ACOT1: variants seen among roughly 807,000 people sequenced by gnomAD.
ACOT1 encodes acyl-CoA thioesterase 1.
A neutral mutation model predicts 15.7 loss-of-function variants in ACOT1; 8 were observed. The ratio of observed to expected loss-of-function variants is 0.51; its 90% CI spans 0.30 to 0.92. ACOT1 has a LOEUF of 0.92. Ranked by LOEUF, ACOT1 falls within the 40% of genes least tolerant of loss-of-function variation. The pLI is 0.06. For missense variants in ACOT1, 151 were observed against 539.4 expected, an observed-to-expected ratio of 0.28 and a Z score of 7.13; for synonymous variants, 67 against 241.2, an observed-to-expected ratio of 0.28 and a Z score of 6.69.
chr14:73,540,768 G>T (rs534310791), intron 1 of ACOT1, among the ~76,000 whole-genome samples: 4 of 103,770 alleles, frequency 3.9e-5, no homozygotes, highest in Non-Finnish European at 5.9e-5. Context: ...TTTTGAGACA[G>T]TGTCTCGCTC....
chr14:73,508,303 G>T, the ACOT1 span: 1 of 1,612,904 alleles, frequency 6.2e-7, no homozygotes, highest in Non-Finnish European at 8.5e-7. Context: ...ACCTGCCACA[G>T]TTGGGTGAAA....
At chr14:73,498,985 C>T in the ACOT1 span, 1 of 1,115,506 alleles carries the variant, frequency 9.0e-7, no homozygotes, top group East Asian at 2.3e-5. Context: ...CACTTCACCC[C>T]ATTAGAGAGT....
the ACOT1 span, chr14:73,509,235 G>T: frequency 7.3e-7 from 1 of 1,369,176 alleles, no homozygotes; most frequent in Non-Finnish European, 1.0e-6. Context: ...TCACAGTGGA[G>T]AGGAAAGGAC....
At chr14:73,498,958 G>A in the ACOT1 span, 1 of 886,986 alleles carries the variant, frequency 1.1e-6, no homozygotes, top group Non-Finnish European at 1.9e-6. Flanking sequence ...GAAAAGCTAA[G>A]ATCATTACCT....
chr14:73,506,804 G>GTTTTTTTTTTT, the ACOT1 span, among the ~76,000 whole-genome samples: 1,850 of 80,354 alleles, frequency 0.023, 408 homozygotes, highest in African/African-American at 0.085. Flanking sequence ...GACTTTAACT[G>GTTTTTTTTTTT]TTTTTTTTTT....
the ACOT1 span, chr14:73,492,005 AC>A: frequency 6.2e-7 from 1 of 1,613,836 alleles, no homozygotes. This position sits in a 1 kb window ranked among gnomAD's most constrained non-coding sequence, Gnocchi z 4.9. Flanking sequence ...CGTTTACCTC[AC>A]GCCCCCTAAC....
At chr14:73,517,948 T>C in the ACOT1 span, among the ~76,000 whole-genome samples, 1 of 152,078 alleles carries the variant, frequency 6.6e-6, no homozygotes, top group African/African-American at 2.4e-5. Flanking sequence ...TAGCTGGGTG[T>C]GGTGGCGCGC....
the ACOT1 span, chr14:73,512,008 G>A: frequency 6.2e-7 from 1 of 1,613,904 alleles, no homozygotes. Flanking sequence ...GCTCTCACCT[G>A]AGTCTCTCTG....
chr14:73,511,548 TAAATAAATAAATAAATA>T, the ACOT1 span, among the ~76,000 whole-genome samples: 339 of 128,906 alleles, frequency 2.6e-3, 1 homozygote, highest in South Asian at 4.1e-3. Flanking sequence ...AATAAATAAA[TAAATAAATAAATAAATA>T]AAATAAAATA....
the ACOT1 span, chr14:73,508,253 G>C: frequency 6.2e-7 from 1 of 1,614,004 alleles, no homozygotes; most frequent in South Asian, 1.1e-5. Flanking sequence ...GTACCTTCCA[G>C]AGCCAAGCAC....
the ACOT1 span, chr14:73,492,880 CTTGGCAACCACG>C: frequency 6.2e-7 from 1 of 1,613,880 alleles, no homozygotes; most frequent in Non-Finnish European, 8.5e-7. The surrounding 1 kb of genome is among the most constrained non-coding windows in gnomAD (Gnocchi z 4.9). Context: ...ACCAGCTGTC[CTTGGCAACCACG>C]TTGTATGATA....
chr14:73,512,103 C>A, the ACOT1 span: 2 of 1,614,176 alleles, frequency 1.2e-6, no homozygotes, highest in Non-Finnish European at 1.7e-6. Context: ...GCAGGTCTCC[C>A]AAGCTCTGAA....
At chr14:73,491,724 C>T in the ACOT1 span, 2 of 1,552,060 alleles carry the variant, frequency 1.3e-6, no homozygotes, top group East Asian at 2.4e-5. Flanking sequence ...CAGGACCACA[C>T]CTACTACCAG....
the ACOT1 span, chr14:73,521,066 A>G: frequency 1.7e-5 from 27 of 1,597,756 alleles, no homozygotes; most frequent in Non-Finnish European, 2.3e-5. Flanking sequence ...AAGGAGGGAA[A>G]AGGGGGAAAG....
chr14:73,506,804 G>GTTTTTTTTGT, the ACOT1 span, among the ~76,000 whole-genome samples: 1 of 80,492 alleles, frequency 1.2e-5, no homozygotes, highest in East Asian at 5.8e-4. Context: ...GACTTTAACT[G>GTTTTTTTTGT]TTTTTTTTTT....
the ACOT1 span, chr14:73,509,392 A>G: frequency 1.9e-6 from 3 of 1,614,146 alleles, no homozygotes; most frequent in Non-Finnish European, 1.7e-6. Flanking sequence ...TGCTGCTGCC[A>G]TCCGCACATG....
chr14:73,539,976 C>T lies in ACOT1; in HGVS notation c.458-1517C>T, dbSNP rs1162737430. On this transcript the variant is annotated intron_variant, in intron 1 of 2. Transcript: ENST00000311148. Reference sequence around the variant, plus strand: ...GAGGTTACTGGATACTTTTATATTACATAAAGAGCAATCAGCCAGTGTAGA... The same window carrying T: ...GAGGTTACTGGATACTTTTATATTATATAAAGAGCAATCAGCCAGTGTAGA... 1.7e-5 allele frequency among the ~76,000 whole-genome samples: 2 copies of T among 116,014 alleles called. 1 individual carries two copies. The highest frequency in any genetic ancestry group is 5.6e-5 in the African/African-American group (2 of 35,556). 76.1% of individuals were successfully genotyped at this position (116,014 alleles called of 152,430 possible). A position where few individuals can be genotyped will look rare whatever the true frequency, so the allele number is the denominator to read the frequency against.
At chr14:73,508,397 C>A in the ACOT1 span, 1 of 903,126 alleles carries the variant, frequency 1.1e-6, no homozygotes, top group South Asian at 1.5e-5. Context: ...CCTGATATCT[C>A]ACTTCCTTGT....
chr14:73,535,383 T>A (rs1374281988), upstream of ACOT1, among the ~76,000 whole-genome samples: 1 of 112,630 alleles, frequency 8.9e-6, no homozygotes, highest in African/African-American at 2.9e-5. Flanking sequence ...TGAGAGACAG[T>A]TAAACATAGT....
Sources: allele counts gnomAD v4.1 joint callset (sites outside exome capture counted in the v4.1 genomes callset), GRCh38; gene constraint gnomAD v4.1.1; non-coding constraint Gnocchi (gnomAD v3.1); transcripts MANE v1.5; gene names NCBI Gene and HGNC (gene_info 2026-07-23, HGNC 2026-07-21).